ZNF99: variants seen among roughly 807,000 people sequenced by gnomAD.
The protein encoded by ZNF99 is zinc finger protein ENSP00000375192.
ZNF99 carries 8 observed loss-of-function variants against 12.8 expected under a neutral mutation model. The observed-to-expected ratio is 0.62, with a 90% CI of 0.37 to 1.13. The LOEUF (loss-of-function observed/expected upper bound fraction) is 1.13. ZNF99 is among the 50% of genes most tolerant of loss of function. The pLI, the probability that ZNF99 is intolerant of heterozygous loss-of-function variation, is 0.02. For missense variants in ZNF99, 1,007 were observed against 1,006.2 expected, an observed-to-expected ratio of 1.00 and a Z score of -0.01; for synonymous variants, 318 against 319.0, an observed-to-expected ratio of 1.00 and a Z score of 0.03.
In ZNF99 at chr19:22,771,583, A is replaced by G. The variant is rs191100836; in HGVS notation, c.4-2259T>C. Among the ~76,000 whole-genome samples, 554 of 151,672 alleles carry G rather than the reference A, an allele frequency of 3.7e-3. 4 individuals are homozygous for G. The highest frequency in any genetic ancestry group is 0.013 in the African/African-American group (526 of 41,374). On this transcript the variant is annotated intron_variant, in intron 1 of 3. Transcript: ENST00000596209. ...AAGCATTTTCTTAAAGCTGTTCTGC[A>G]TAGAGCTAATGGAGAACACAGATGG...
intron 1 of ZNF99, among the ~76,000 whole-genome samples, chr19:22,774,606 A>C (rs1973305628): frequency 6.6e-6 from 1 of 152,228 alleles, no homozygotes; most frequent in Non-Finnish European, 1.5e-5. Flanking sequence ...ACAGTGGCTC[A>C]CATCTGTAAT....
rs1244258475 is a variant in ZNF99, at chr19:22,756,607, C to T, written c.*707G>A. The T allele has an allele frequency of 5.0e-6, 8 of 1,599,728 alleles. 1 individual carries two copies. The highest frequency in any genetic ancestry group is 6.8e-6 in the Non-Finnish European group (8 of 1,176,550). ...TGAGGATTGCTTAAAAGCTTTGCCACATTCTTCACATTTGTACGGTTTCTC... is the reference window on the plus strand; with the variant it reads ...TGAGGATTGCTTAAAAGCTTTGCCATATTCTTCACATTTGTACGGTTTCTC... On this transcript the variant is annotated 3_prime_UTR_variant, in exon 4 of 4. Coordinates refer to ENST00000596209, the MANE Select transcript of ZNF99 (RefSeq NM_001080409.3).
intron 3 of ZNF99, among the ~76,000 whole-genome samples, chr19:22,760,866 T>C (rs1973143165): frequency 7.4e-6 from 1 of 135,644 alleles, no homozygotes; most frequent in African/African-American, 2.8e-5. Context: ...AGAAGAAACA[T>C]GAGTAACATT....
At chr19:22,768,165 C>T (rs1198370908) in intron 3 of ZNF99, 140 bp downstream of exon 3, 12 of 970,488 alleles carry the variant, frequency 1.2e-5, no homozygotes, top group Admixed American at 9.1e-5. Flanking sequence ...TACATGAGAG[C>T]AAAATTTTAA....
In ZNF99 at chr19:22,753,368, C is replaced by CT. The variant is rs1453366199; in HGVS notation, c.*3945dup. 6.6e-6 allele frequency: 1 copy of CT among 152,020 alleles called. No homozygotes were observed. Among genetic ancestry groups the CT allele is most frequent in the Non-Finnish European group, 1.5e-5 (1 of 67,968 alleles). 9.4% of individuals were successfully genotyped at this position (152,020 alleles called of 1,614,324 possible). A position where few individuals can be genotyped will look rare whatever the true frequency, so the allele number is the denominator to read the frequency against. On this transcript the variant is annotated 3_prime_UTR_variant, in exon 4 of 4. Coordinates refer to ENST00000596209, the MANE Select transcript of ZNF99 (RefSeq NM_001080409.3). The stretch of plus-strand genomic sequence containing the variant: ...CCTTATCATTTCTACTGTGAATTCT[C>CT]TGACATTTACAGAGTTAATTTTGGA...
chr19:22,762,738 A>C (rs1020119011), intron 3 of ZNF99, among the ~76,000 whole-genome samples: 2 of 152,214 alleles, frequency 1.3e-5, no homozygotes, highest in African/African-American at 4.8e-5. Flanking sequence ...AAAATCCTTA[A>C]CAAAATACTA....
At position 22,756,021 on chromosome 19, in the gene ZNF99, C is replaced by T. The variant is rs111771466; in HGVS notation, c.*1293G>A. On this transcript the variant is annotated 3_prime_UTR_variant, in exon 4 of 4. Transcript: ENST00000596209. Reference sequence around the variant, plus strand: ...TGTGAGGACTGGTTAAAGGCTTTGCCACATTCTTTACATTTGTGGGGTTTC... The same window carrying T: ...TGTGAGGACTGGTTAAAGGCTTTGCTACATTCTTTACATTTGTGGGGTTTC... The T allele has an allele frequency of 1.4e-5, 14 of 977,630 alleles. No individual in the cohort carries two copies. Among genetic ancestry groups the T allele is most frequent in the Middle Eastern group, 4.9e-4 (2 of 4,086 alleles). 60.6% of individuals were successfully genotyped at this position (977,630 alleles called of 1,614,324 possible).
intron 3 of ZNF99, among the ~76,000 whole-genome samples, chr19:22,762,967 C>T (rs983854104): frequency 5.9e-5 from 9 of 152,084 alleles, no homozygotes; most frequent in African/African-American, 2.2e-4. Context: ...GCAACACTGG[C>T]ATACAAGGGA....
chr19:22,769,168 T>C (rs1205518118), intron 2 of ZNF99, 30 bp downstream of exon 2: 9 of 1,591,314 alleles, frequency 5.7e-6, no homozygotes, highest in East Asian at 2.3e-5. Context: ...TAGAATATAA[T>C]AGGAATTGCT....
At chr19:22,769,494 G>T (rs1047850298) in intron 1 of ZNF99, among the ~76,000 whole-genome samples, 170 bp from the exon 2 acceptor site, 1 of 151,972 alleles carries the variant, frequency 6.6e-6, no homozygotes, top group Non-Finnish European at 1.5e-5. Context: ...TCGGCTGGGC[G>T]CAGTGGCTCA....
chr19:22,757,690 T>C lies in ZNF99; in HGVS notation c.2219A>G (p.Lys740Arg). 1.2e-6 allele frequency: 2 copies of C among 1,612,018 alleles called. No homozygotes were observed. The highest frequency in any genetic ancestry group is 8.5e-7 in the Non-Finnish European group (1 of 1,179,642). Residue 740 changes from lysine to arginine, a missense_variant, in exon 4 of 4, where the codon AAA becomes AGA. Coordinates refer to ENST00000596209, the MANE Select transcript of ZNF99 (RefSeq NM_001080409.3). ...AAGTTTTGAGGACCACTTAAAAGCT[T>C]TACCACATTCTTCACATTTGTAGGG... ...EKPYKCEECG[K>R]AFKWSSKLTV...
At chr19:22,780,567 T>C (rs1973376459) in intron 1 of ZNF99, among the ~76,000 whole-genome samples, 1 of 151,984 alleles carries the variant, frequency 6.6e-6, no homozygotes, top group East Asian at 1.9e-4. Flanking sequence ...GGCACATATC[T>C]GTAATCCCAG....
In ZNF99 at chr19:22,782,659, GCCTT is replaced by G. The variant is rs1277497236; in HGVS notation, c.3+1351_3+1354del. 2.3e-3 allele frequency among the ~76,000 whole-genome samples: 257 copies of G among 113,622 alleles called. 2 individuals are homozygous for G. The highest frequency in any genetic ancestry group is 9.0e-3 in the African/African-American group (242 of 26,890). The allele number at this position is 113,622 out of a possible 152,430, so 74.5% of individuals were successfully genotyped here. A position where few individuals can be genotyped will look rare whatever the true frequency, so the allele number is the denominator to read the frequency against. On this transcript the variant is annotated intron_variant, in intron 1 of 3. Transcript: ENST00000596209. ...TTACAGGCATGAACCACCGCACCTG[GCCTT>G]TTTTTTTTTTTTTTTTTTTTTAATA...
At chr19:22,769,908 A>G in intron 1 of ZNF99, 1 of 1,361,148 alleles carries the variant, frequency 7.3e-7, no homozygotes, top group Non-Finnish European at 9.8e-7. Flanking sequence ...AGGGCATGAT[A>G]ACATGTACAT....
chr19:22,755,340 G>A lies in ZNF99; in HGVS notation c.*1974C>T. 3.8e-6 allele frequency: 1 copy of A among 264,590 alleles called. No individual in the cohort carries two copies. 16.4% of individuals were successfully genotyped at this position (264,590 alleles called of 1,614,324 possible). ...TCTGTTGAGTAAGGTCTGAAAACCA[G>A]TTAAAAGCTTTGCCACAGTTTTCAT... On this transcript the variant is annotated 3_prime_UTR_variant, in exon 4 of 4. Coordinates refer to ENST00000596209, the MANE Select transcript of ZNF99 (RefSeq NM_001080409.3).
chr19:22,774,454 T>C (rs181896124), intron 1 of ZNF99: 2 of 152,370 alleles, frequency 1.3e-5, no homozygotes, highest in Admixed American at 1.3e-4. Context: ...TTTGTTCATA[T>C]ACTGGAATAT....
rs1973017882 is a variant in ZNF99 at position 22,754,424 on chromosome 19, T to A, written c.*2890A>T. On this transcript the variant is annotated 3_prime_UTR_variant, in exon 4 of 4. Coordinates refer to ENST00000596209, the MANE Select transcript of ZNF99 (RefSeq NM_001080409.3). ...ACATTTGTAGAATTTCTCTACAACATAAATTATCTTATGTGTAATAAGGGT... is the reference window on the plus strand; with the variant it reads ...ACATTTGTAGAATTTCTCTACAACAAAAATTATCTTATGTGTAATAAGGGT... 2.5e-6 allele frequency: 1 copy of A among 403,032 alleles called. No homozygotes were observed. Among genetic ancestry groups the A allele is most frequent in the East Asian group, 7.2e-5 (1 of 13,818 alleles). 25.0% of individuals were successfully genotyped at this position (403,032 alleles called of 1,614,324 possible).
chr19:22,782,684 T>A (rs1303418697), intron 1 of ZNF99, among the ~76,000 whole-genome samples: 6 of 141,014 alleles, frequency 4.3e-5, no homozygotes, highest in Non-Finnish European at 7.7e-5. Flanking sequence ...TTTTTTTTTT[T>A]AATATGAGAG....
intron 3 of ZNF99, among the ~76,000 whole-genome samples, chr19:22,764,953 A>C (rs1194780958): frequency 6.6e-6 from 1 of 152,244 alleles, no homozygotes; most frequent in Admixed American, 6.5e-5. Context: ...TAAAAGTTGT[A>C]CTACCATTTG....
Sources: allele counts gnomAD v4.1 joint callset (sites outside exome capture counted in the v4.1 genomes callset), GRCh38; gene constraint gnomAD v4.1.1; transcripts MANE v1.5; gene names NCBI Gene and HGNC (gene_info 2026-07-23, HGNC 2026-07-21).